The following PRPSAP2 variants were observed in gnomAD, a reference collection of about 807,000 sequenced individuals.
The protein encoded by PRPSAP2 is phosphoribosyl pyrophosphate synthase-associated protein 2.
Under a neutral mutation model 40.6 loss-of-function variants are expected in PRPSAP2, and 24 were observed. That is an observed-to-expected ratio of 0.59 (90% CI 0.43 to 0.83). PRPSAP2 has a LOEUF of 0.83. Among genes scored for constraint, PRPSAP2 ranks in the 40% least tolerant of loss-of-function variants. The probability of loss-of-function intolerance (pLI) is 0.00; values close to 1 mark genes in which losing one functional copy is unlikely to be tolerated. For missense variants in PRPSAP2, 292 were observed against 465.6 expected, an observed-to-expected ratio of 0.63 and a Z score of 3.43; for synonymous variants, 149 against 164.7, an observed-to-expected ratio of 0.90 and a Z score of 0.73.
chr17:18,900,825 T>A (rs968342953), intron 8 of PRPSAP2, among the ~76,000 whole-genome samples: 1 of 152,154 alleles, frequency 6.6e-6, no homozygotes, highest in Admixed American at 6.6e-5. Flanking sequence ...GGTGGTGGAA[T>A]TCCTGACTCC....
At chr17:18,930,441 G>A (rs117432006) in intron 11 of PRPSAP2, 99 bp from the exon 12 acceptor site, 186 of 1,167,040 alleles carry the variant, frequency 1.6e-4, no homozygotes, top group Middle Eastern at 2.2e-4. Flanking sequence ...TTTTCCTGTC[G>A]TGGCAAGCCT....
At chr17:18,897,991 C>CTTTTTTTTTT (rs71155370) in intron 8 of PRPSAP2, among the ~76,000 whole-genome samples, 2 of 116,332 alleles carry the variant, frequency 1.7e-5, no homozygotes, top group African/African-American at 3.2e-5. Context: ...AGAATTTTTG[C>CTTTTTTTTTT]TTTTTTTTTT....
chr17:18,894,464 T>G (rs2039784226), intron 8 of PRPSAP2, among the ~76,000 whole-genome samples: 1 of 150,290 alleles, frequency 6.7e-6, no homozygotes, highest in African/African-American at 2.5e-5. Flanking sequence ...CGGCCCTCTG[T>G]AGCTTTTCAA....
chr17:18,858,764 GATA>G (rs1409820748), intron 1 of PRPSAP2: 7 of 152,214 alleles, frequency 4.6e-5, no homozygotes, highest in African/African-American at 1.7e-4. Flanking sequence ...TCTGCTTGAT[GATA>G]ATAATTTTTC....
chr17:18,858,228 G>T lies in PRPSAP2; in HGVS notation c.-162G>T, dbSNP rs1241783163. ...GCGCTTTCTTCCTTCTGCAGCTGAGGCTGCGGCGGGGCCGGGGCTGGGGTC... is the reference window on the plus strand; with the variant it reads ...GCGCTTTCTTCCTTCTGCAGCTGAGTCTGCGGCGGGGCCGGGGCTGGGGTC... On this transcript the variant is annotated 5_prime_UTR_variant, in exon 1 of 12. Coordinates refer to ENST00000268835, the MANE Select transcript of PRPSAP2 (RefSeq NM_002767.4). 3 of 152,432 alleles carry T rather than the reference G, an allele frequency of 2.0e-5. No homozygotes were observed. Among genetic ancestry groups the T allele is most frequent in the African/African-American group, 7.2e-5 (3 of 41,470 alleles). 9.4% of individuals were successfully genotyped at this position (152,432 alleles called of 1,614,324 possible).
At chr17:18,909,251 T>TC (rs1284155023) in intron 8 of PRPSAP2, among the ~76,000 whole-genome samples, 1 of 150,134 alleles carries the variant, frequency 6.7e-6, no homozygotes, top group East Asian at 2.0e-4. Context: ...TTTTTTTTTT[T>TC]TTTTTTTTGA....
At chr17:18,889,030 C>A (rs1382295525) in intron 7 of PRPSAP2, among the ~76,000 whole-genome samples, 1 of 152,124 alleles carries the variant, frequency 6.6e-6, no homozygotes, top group Non-Finnish European at 1.5e-5. Flanking sequence ...CAAGGAAATA[C>A]ATGAAAAAGT....
At chr17:18,897,321 TG>T (rs2039967554) in intron 8 of PRPSAP2, among the ~76,000 whole-genome samples, 1 of 152,178 alleles carries the variant, frequency 6.6e-6, no homozygotes, top group Non-Finnish European at 1.5e-5. Context: ...TGTTGCAAGC[TG>T]TTGGTTAACT....
chr17:18,914,248 G>GTTTTTTTTTTT (rs1567738744), intron 9 of PRPSAP2, among the ~76,000 whole-genome samples: 2 of 76,482 alleles, frequency 2.6e-5, no homozygotes, highest in Non-Finnish European at 5.3e-5. Context: ...ACATGTTTTT[G>GTTTTTTTTTTT]CTTTTTTTTT....
chr17:18,926,179 T>C (rs2041957584), intron 10 of PRPSAP2, among the ~76,000 whole-genome samples: 1 of 152,108 alleles, frequency 6.6e-6, no homozygotes, highest in Non-Finnish European at 1.5e-5. Flanking sequence ...GCAAAGTCTA[T>C]AGTAACAAGG....
chr17:18,875,487 C>T (rs912251372), intron 5 of PRPSAP2, among the ~76,000 whole-genome samples: 2 of 151,618 alleles, frequency 1.3e-5, no homozygotes, highest in East Asian at 1.9e-4. Context: ...ATTGCTTGAA[C>T]GCAGGAGGCA....
At chr17:18,900,464 G>A (rs1171866816) in intron 8 of PRPSAP2, among the ~76,000 whole-genome samples, 1 of 152,046 alleles carries the variant, frequency 6.6e-6, no homozygotes, top group Non-Finnish European at 1.5e-5. Context: ...TACAGTTTCA[G>A]CATGTCTGTC....
In PRPSAP2 at chr17:18,891,581, A is replaced by G. The variant is rs113477826; in HGVS notation, c.584+1704A>G. Reference sequence around the variant, plus strand: ...TGATATACATGCTTTAAAAAAATGTAGGTGAAAAATCACATAATATACAAT... The same window carrying G: ...TGATATACATGCTTTAAAAAAATGTGGGTGAAAAATCACATAATATACAAT... On this transcript the variant is annotated intron_variant, in intron 8 of 11. Transcript: ENST00000268835. 1.9e-4 allele frequency among the ~76,000 whole-genome samples: 29 copies of G among 152,378 alleles called. 2 individuals carry two copies. The highest frequency in any genetic ancestry group is 6.7e-4 in the African/African-American group (28 of 41,590).
At chr17:18,904,087 C>T (rs192568938) in intron 8 of PRPSAP2, among the ~76,000 whole-genome samples, 6 of 152,304 alleles carry the variant, frequency 3.9e-5, no homozygotes, top group African/African-American at 1.4e-4. Flanking sequence ...TCCACTTGTG[C>T]CTTAGCCAGT....
chr17:18,890,891 G>C (rs1476214696), intron 8 of PRPSAP2, among the ~76,000 whole-genome samples: 1 of 152,184 alleles, frequency 6.6e-6, no homozygotes, highest in Non-Finnish European at 1.5e-5. Flanking sequence ...GTGTACCAAA[G>C]GGGGAGCCTT....
chr17:18,860,055 A>G (rs758252385), intron 1 of PRPSAP2, among the ~76,000 whole-genome samples: 1 of 142,126 alleles, frequency 7.0e-6, no homozygotes, highest in Non-Finnish European at 1.5e-5. Flanking sequence ...ATAAACATAA[A>G]TTTTTATACT....
chr17:18,858,276 G>C lies in PRPSAP2; in HGVS notation c.-129+15G>C, dbSNP rs1406620276. The C allele has an allele frequency of 1.3e-5, 2 of 152,432 alleles. No homozygotes were observed. Among genetic ancestry groups the C allele is most frequent in the Non-Finnish European group, 2.9e-5 (2 of 68,134 alleles). 9.4% of individuals were successfully genotyped at this position (152,432 alleles called of 1,614,324 possible). A position where few individuals can be genotyped will look rare whatever the true frequency, so the allele number is the denominator to read the frequency against. ...GTCGGGGCCAGGTAGGCGGGCGGGA[G>C]CCAGTGGCGAGCGGCAGCGAGGGCT... On this transcript the variant is annotated intron_variant, in intron 1 of 11. Transcript: ENST00000268835.
intron 8 of PRPSAP2, among the ~76,000 whole-genome samples, chr17:18,907,309 G>A (rs1165958561): frequency 6.6e-6 from 1 of 151,922 alleles, no homozygotes; most frequent in African/African-American, 2.4e-5. Flanking sequence ...GGTTGAAGAA[G>A]GTCTTTTCCT....
intron 9 of PRPSAP2, among the ~76,000 whole-genome samples, chr17:18,913,922 T>C (rs926973806): frequency 6.6e-6 from 1 of 151,098 alleles, no homozygotes; most frequent in Non-Finnish European, 1.5e-5. Context: ...ACACCTATAA[T>C]CCCAGCACTT....
Sources: gnomAD v4.1 joint callset for allele counts (sites outside exome capture counted in the v4.1 genomes callset) on GRCh38, gnomAD v4.1.1 for gene constraint, MANE v1.5 for transcripts, NCBI Gene and HGNC (gene_info 2026-07-23, HGNC 2026-07-21) for gene names.